The following VCAN variants were observed in gnomAD, a reference collection of about 807,000 sequenced individuals.
VCAN encodes versican core protein.
Under a neutral mutation model 245.5 loss-of-function variants are expected in VCAN, and 44 were observed. The observed-to-expected ratio is 0.18, with a 90% confidence interval of 0.14 to 0.23. VCAN has a LOEUF of 0.23. Among genes scored for constraint, VCAN ranks in the 10% least tolerant of loss-of-function variants. The pLI is 1.00. For missense variants in VCAN, 3,793 were observed against 4,057.9 expected (o/e 0.93, Z 1.77); for synonymous variants, 1,413 against 1,437.0 (o/e 0.98, Z 0.38).
chr5:83,512,646 G>A (rs911566039), intron 6 of VCAN: 57 of 481,380 alleles, frequency 1.2e-4, no homozygotes, highest in African/African-American at 1.1e-3. Flanking sequence ...GTGCTCTGTT[G>A]TGTCCAGAGC....
At chr5:83,516,676 T>C (rs771230239) in intron 6 of VCAN, among the ~76,000 whole-genome samples, 1 of 152,280 alleles carries the variant, frequency 6.6e-6, no homozygotes, top group Non-Finnish European at 1.5e-5. Flanking sequence ...GAAGGAATAC[T>C]GGTAGTTTTC....
chr5:83,541,811 C>T lies in VCAN; in HGVS notation c.8808C>T (p.Thr2936=), dbSNP rs752681213. 114 of 1,613,904 alleles carry T rather than the reference C, an allele frequency of 7.1e-5. No individual in the cohort carries two copies. Among genetic ancestry groups the T allele is most frequent in the Non-Finnish European group, 8.4e-5 (99 of 1,180,000 alleles). Residue 2936 remains threonine (T), a synonymous_variant, in exon 8 of 15, where the codon ACC becomes ACT. Transcript: ENST00000265077. ...TEILQDFQNK[T]DGQVSGEAIK... ...TTCTCCAAGATTTCCAAAACAAAAC[C>T]GATGGTCAAGTTTCTGGAGAAGCAA...
rs1392595663 is a variant in VCAN, at chr5:83,572,635, C to T, written c.9880+75C>T. 1.9e-6 allele frequency: 3 copies of T among 1,581,742 alleles called. No individual in the cohort carries two copies. The East Asian group carries it at 6.8e-5, about 36-fold the overall frequency. ...AAAGATAATTCAGGAATTTGTGTCTCAAATTCATTGTTTGAGACACAAACT... is the reference window on the plus strand; with the variant it reads ...AAAGATAATTCAGGAATTTGTGTCTTAAATTCATTGTTTGAGACACAAACT... On this transcript the variant is annotated intron_variant, in intron 13 of 14. Transcript: ENST00000265077.
intron 5 of VCAN, among the ~76,000 whole-genome samples, chr5:83,495,573 G>A (rs1434669407): frequency 1.3e-5 from 2 of 152,128 alleles, no homozygotes; most frequent in Non-Finnish European, 2.9e-5. Context: ...GGAGATGGTT[G>A]GTAGGAGAAT....
intron 5 of VCAN, among the ~76,000 whole-genome samples, chr5:83,504,673 C>T (rs149220059): frequency 2.8e-4 from 43 of 152,276 alleles, no homozygotes; most frequent in East Asian, 7.7e-4. Context: ...TGAGCCACTG[C>T]GCCCAGCCTG....
At chr5:83,547,034 T>G (rs1198228528) in intron 9 of VCAN, among the ~76,000 whole-genome samples, 1 of 152,220 alleles carries the variant, frequency 6.6e-6, no homozygotes, top group East Asian at 1.9e-4. Flanking sequence ...GAGGGAGATA[T>G]GGACACAACA....
rs746691089 is a variant in VCAN, at chr5:83,493,950, T to C, written c.748+19T>C. Reference sequence around the variant, plus strand: ...CTGGATGGTAAGATGTTTGAGTTTCTATATCTTCGTATGAACTGAGAAAAC... The same window carrying C: ...CTGGATGGTAAGATGTTTGAGTTTCCATATCTTCGTATGAACTGAGAAAAC... On this transcript the variant is annotated intron_variant, in intron 5 of 14. Transcript: ENST00000265077. The C allele has an allele frequency of 2.5e-6, 4 of 1,613,834 alleles. No individual in the cohort carries two copies. The highest frequency in any genetic ancestry group is 3.4e-6 in the Non-Finnish European group (4 of 1,179,886).
Position 83,519,760 on chromosome 5 carries a change from A to C in VCAN, c.1454A>C (p.Glu485Ala). Residue 485 changes from glutamate to alanine, a missense_variant, in exon 7 of 15, where the codon GAA becomes GCA. Transcript: ENST00000265077. ...GTCGTGGAAGATAAACAAACACAAG[A>C]ATCGGTTACACAGATTGAACAAATA... ...DGVVEDKQTQ[E>A]SVTQIEQIEV... The C allele has an allele frequency of 1.2e-6, 2 of 1,614,148 alleles. No homozygotes were observed. Among genetic ancestry groups the C allele is most frequent in the Non-Finnish European group, 1.7e-6 (2 of 1,180,000 alleles).
chr5:83,498,263 A>G (rs1745221355), intron 5 of VCAN, among the ~76,000 whole-genome samples: 1 of 152,170 alleles, frequency 6.6e-6, no homozygotes, highest in African/African-American at 2.4e-5. Context: ...ATGTATGACT[A>G]TAATTACCCT....
intron 10 of VCAN, among the ~76,000 whole-genome samples, chr5:83,548,539 T>C (rs1747327076): frequency 1.3e-5 from 2 of 152,192 alleles, no homozygotes; most frequent in African/African-American, 2.4e-5. Flanking sequence ...AAGTAGAAGA[T>C]ATTGTGAATC....
chr5:83,479,497 T>G (rs572532511), intron 1 of VCAN, among the ~76,000 whole-genome samples: 1 of 152,188 alleles, frequency 6.6e-6, no homozygotes, highest in East Asian at 1.9e-4. Flanking sequence ...TTTCTTCCCT[T>G]CTCATTGACT....
intron 13 of VCAN, among the ~76,000 whole-genome samples, chr5:83,578,485 T>TA (rs527595376): frequency 6.2e-4 from 92 of 147,356 alleles, no homozygotes; most frequent in Non-Finnish European, 9.8e-4. Context: ...ACTTAAAAGT[T>TA]AAAAAAAAAA....
chr5:83,554,810 C>T, intron 11 of VCAN, 146 bp from the exon 12 acceptor site: 1 of 753,732 alleles, frequency 1.3e-6, no homozygotes, highest in Non-Finnish European at 2.3e-6. Flanking sequence ...AAAAGGTAGA[C>T]TAGGAGAGAT....
chr5:83,543,638 T>C (rs759785683), intron 8 of VCAN, among the ~76,000 whole-genome samples: 4 of 152,220 alleles, frequency 2.6e-5, no homozygotes. Context: ...CTAATATTTA[T>C]TGTTTTTTAA....
chr5:83,539,520 G>A lies in VCAN; in HGVS notation c.6517G>A (p.Glu2173Lys), dbSNP rs1234275281. Reference protein sequence around the residue: ...TYSDDKEMKEEDTSLVNMSTP... With the variant: ...TYSDDKEMKEKDTSLVNMSTP... The stretch of plus-strand genomic sequence containing the variant: ...CAGTGATGATAAAGAAATGAAGGAG[G>A]AAGACACTTCTTTAGTTAACATGTC... Residue 2173 changes from glutamate (E) to lysine (K), a missense_variant, in exon 8 of 15, where the codon GAA becomes AAA. By Grantham distance (56) the Glu-to-Lys change is moderately conservative. This residue lies in a region of VCAN where 3,182 missense variants were observed against 3,250.3 expected (regional missense o/e 0.98). Transcript: ENST00000265077. The A allele has an allele frequency of 1.2e-6, 2 of 1,613,938 alleles. No individual in the cohort carries two copies. The highest frequency in any genetic ancestry group is 1.1e-5 in the South Asian group (1 of 91,076).
Position 83,537,885 on chromosome 5 carries a change from G to C in VCAN, c.4882G>C (p.Val1628Leu). The change falls in exon 8 of 15, where the codon GTA (valine) becomes CTA (leucine). Residue 1628 changes from valine (V) to leucine (L), a missense_variant. Physicochemically the swap from Val to Leu is conservative, Grantham distance 32. Coordinates refer to ENST00000265077, the MANE Select transcript of VCAN (RefSeq NM_004385.5). ...GGTAGAAGCAACTCCTAGACAAGTT[G>C]TAGAGCTCTCAGGGAGTTCTTCGAT... ...SWVEATPRQV[V>L]ELSGSSSIPI... 1 of 1,613,992 alleles carries C rather than the reference G, an allele frequency of 6.2e-7. No homozygotes were observed. Among genetic ancestry groups the C allele is most frequent in the Non-Finnish European group, 8.5e-7 (1 of 1,179,954 alleles).
At chr5:83,524,804 G>A (rs1034437499) in intron 7 of VCAN, among the ~76,000 whole-genome samples, 2 of 152,150 alleles carry the variant, frequency 1.3e-5, no homozygotes, top group East Asian at 1.9e-4. Flanking sequence ...CAAGGCAGGT[G>A]TATACCTTAA....
In VCAN at chr5:83,540,066, A is replaced by G. The variant is rs755601442; in HGVS notation, c.7063A>G (p.Ile2355Val). The G allele has an allele frequency of 6.2e-7, 1 of 1,614,076 alleles. No individual in the cohort carries two copies. The highest frequency in any genetic ancestry group is 8.5e-7 in the Non-Finnish European group (1 of 1,179,994). The change falls in exon 8 of 15, where the codon ATC becomes GTC. Residue 2355 changes from isoleucine to valine, a missense_variant. Around this residue, in one of 5 missense-constraint regions of VCAN, gnomAD observed 3,182 missense variants for 3,250.3 expected, o/e 0.98. Coordinates refer to ENST00000265077, the MANE Select transcript of VCAN (RefSeq NM_004385.5). Reference protein sequence around the residue: ...TVAPLPFSTDIGHPQNQTVRW... With the variant: ...TVAPLPFSTDVGHPQNQTVRW... ...GGCACCTCTCCCTTTCTCCACGGAC[A>G]TCGGACATCCTCAAAATCAGACTGT...
intron 12 of VCAN, among the ~76,000 whole-genome samples, chr5:83,561,864 C>T (rs1747879218): frequency 6.6e-6 from 1 of 152,124 alleles, no homozygotes; most frequent in African/African-American, 2.4e-5. Flanking sequence ...CCTTCCTCTC[C>T]CAGATGTCTT....
Sources: allele counts gnomAD v4.1 joint callset (sites outside exome capture counted in the v4.1 genomes callset), GRCh38; gene constraint gnomAD v4.1.1; regional missense constraint gnomAD v4.1.1; transcripts MANE v1.5; gene names NCBI Gene and HGNC (gene_info 2026-07-23, HGNC 2026-07-21).